DPYD: variants seen among roughly 807,000 people sequenced by gnomAD.
DPYD encodes the protein dihydropyrimidine dehydrogenase, also known as dihydropyrimidine dehydrogenase [NADP(+)].
Under a neutral mutation model 116.2 loss-of-function variants are expected in DPYD, and 109 were observed. The observed-to-expected ratio is 0.94, with a 90% CI of 0.80 to 1.10. DPYD has a LOEUF of 1.10. Ranked by LOEUF, DPYD falls within the 50% of genes least tolerant of loss-of-function variation. The probability of loss-of-function intolerance (pLI) is 0.00; values close to 1 mark genes in which losing one functional copy is unlikely to be tolerated. For missense variants in DPYD, 1,302 were observed against 1,254.5 expected, an observed-to-expected ratio of 1.04 and a Z score of -0.57; for synonymous variants, 440 against 432.0, an observed-to-expected ratio of 1.02 and a Z score of -0.23.
At chr1:97,609,568 T>C (rs1249116679) in intron 8 of DPYD, among the ~76,000 whole-genome samples, 3 of 152,044 alleles carry the variant, frequency 2.0e-5, no homozygotes, top group Non-Finnish European at 2.9e-5. Context: ...TATGCTCATT[T>C]ACAGATGACA....
intron 19 of DPYD, among the ~76,000 whole-genome samples, chr1:97,204,924 C>T (rs1039880661): frequency 4.6e-5 from 7 of 151,980 alleles, no homozygotes; most frequent in Non-Finnish European, 8.8e-5. Flanking sequence ...CGACTTGATC[C>T]TGTTATTGAC....
intron 19 of DPYD, among the ~76,000 whole-genome samples, chr1:97,214,330 T>C (rs1477918302): frequency 3.3e-5 from 5 of 152,220 alleles, no homozygotes; most frequent in Non-Finnish European, 7.3e-5. Context: ...CAACTATTTA[T>C]GGATTGTCAA....
chr1:97,214,770 G>A (rs989915252), intron 19 of DPYD, among the ~76,000 whole-genome samples: 2 of 152,180 alleles, frequency 1.3e-5, no homozygotes, highest in Non-Finnish European at 2.9e-5. Flanking sequence ...GTGGCCAGTT[G>A]GCTGTCTTGT....
At chr1:97,430,358 C>T (rs752341273) in intron 14 of DPYD, among the ~76,000 whole-genome samples, 5 of 152,084 alleles carry the variant, frequency 3.3e-5, no homozygotes, top group Non-Finnish European at 7.4e-5. Flanking sequence ...TCTCAGATTC[C>T]GCCTAACAAG....
intron 12 of DPYD, among the ~76,000 whole-genome samples, chr1:97,524,574 A>T (rs1648915134): frequency 1.3e-5 from 2 of 152,224 alleles, no homozygotes; most frequent in South Asian, 4.1e-4. Context: ...TCTGAGGCCA[A>T]GATAACTTAC....
intron 14 of DPYD, 93 bp downstream of exon 14, chr1:97,449,966 C>G: frequency 6.8e-7 from 1 of 1,465,354 alleles, no homozygotes; most frequent in Non-Finnish European, 9.5e-7. Flanking sequence ...AAAATATACA[C>G]ATTAATATTT....
intron 3 of DPYD, among the ~76,000 whole-genome samples, chr1:97,779,934 T>G (rs761761424): frequency 2.6e-5 from 4 of 152,146 alleles, no homozygotes; most frequent in African/African-American, 9.6e-5. Flanking sequence ...TCATAAGTTG[T>G]GACAAAAAAT....
intron 8 of DPYD, among the ~76,000 whole-genome samples, chr1:97,671,370 C>T (rs1367218908): frequency 6.6e-6 from 1 of 152,002 alleles, no homozygotes; most frequent in Non-Finnish European, 1.5e-5. Context: ...ACCAAAAATA[C>T]TTAAAGAAAA....
intron 13 of DPYD, among the ~76,000 whole-genome samples, chr1:97,454,289 CTAGAGT>C (rs1471403948): frequency 5.3e-5 from 8 of 151,792 alleles, no homozygotes; most frequent in Non-Finnish European, 7.4e-5. Context: ...GGTTATATAA[CTAGAGT>C]TAGAGTTTAA....
At chr1:97,192,258 T>A (rs1658426706) in intron 20 of DPYD, among the ~76,000 whole-genome samples, 1 of 152,148 alleles carries the variant, frequency 6.6e-6, no homozygotes, top group South Asian at 2.1e-4. Flanking sequence ...GCTTTTGTTT[T>A]CCATTCTTTT....
intron 7 of DPYD, among the ~76,000 whole-genome samples, chr1:97,684,747 G>C (rs746004840): frequency 6.6e-6 from 1 of 152,072 alleles, no homozygotes; most frequent in Admixed American, 6.5e-5. Flanking sequence ...AAGTCTAGAA[G>C]AAATGGATAA....
chr1:97,117,183 C>T (rs1652041762), intron 20 of DPYD, among the ~76,000 whole-genome samples: 1 of 151,896 alleles, frequency 6.6e-6, no homozygotes, highest in Non-Finnish European at 1.5e-5. Flanking sequence ...CAACTCCAGA[C>T]CCCTGGAATA....
chr1:97,464,369 T>C (rs560605853), intron 13 of DPYD, among the ~76,000 whole-genome samples: 1 of 152,186 alleles, frequency 6.6e-6, no homozygotes, highest in East Asian at 1.9e-4. Context: ...CTGCAGAAAT[T>C]TGCATAAGTA....
intron 3 of DPYD, chr1:97,797,337 G>C (rs1243090948): frequency 6.6e-6 from 1 of 152,052 alleles, no homozygotes; most frequent in Non-Finnish European, 1.5e-5. Context: ...AAATAATTTT[G>C]CTCAAGGAAA....
chr1:97,273,804 A>G (rs1664750887), intron 18 of DPYD, among the ~76,000 whole-genome samples: 1 of 152,064 alleles, frequency 6.6e-6, no homozygotes, highest in Non-Finnish European at 1.5e-5. Context: ...ATTATTTGAA[A>G]CCCTGAAGCC....
intron 12 of DPYD, among the ~76,000 whole-genome samples, chr1:97,518,713 G>C (rs1289557947): frequency 1.3e-5 from 2 of 152,084 alleles, no homozygotes; most frequent in African/African-American, 4.8e-5. Context: ...AGTAGTGTTA[G>C]TAAATAACAG....
intron 3 of DPYD, among the ~76,000 whole-genome samples, chr1:97,823,950 T>G (rs1446587894): frequency 2.7e-5 from 4 of 148,850 alleles, no homozygotes; most frequent in Non-Finnish European, 5.9e-5. Flanking sequence ...TACCATTTAC[T>G]GGGTGATTGA....
chr1:97,905,565 T>A (rs924669423), intron 1 of DPYD, among the ~76,000 whole-genome samples: 6 of 152,152 alleles, frequency 3.9e-5, no homozygotes, highest in Admixed American at 2.6e-4. Context: ...TCCTGTCAGC[T>A]GCCAAAGTGG....
At chr1:97,225,050 T>TATC (rs1208930979) in intron 19 of DPYD, among the ~76,000 whole-genome samples, 1 of 143,050 alleles carries the variant, frequency 7.0e-6, no homozygotes, top group African/African-American at 2.5e-5. Flanking sequence ...TCTATCTATC[T>TATC]ATCTATCTGT....
Sources: gnomAD v4.1 joint callset for allele counts (sites outside exome capture counted in the v4.1 genomes callset) on GRCh38, gnomAD v4.1.1 for gene constraint, MANE v1.5 for transcripts, NCBI Gene and HGNC (gene_info 2026-07-23, HGNC 2026-07-21) for gene names.